ANKMY2: variants seen among roughly 807,000 people sequenced by gnomAD.
ANKMY2 encodes ankyrin repeat and MYND domain-containing protein 2.
ANKMY2 carries 36 observed loss-of-function variants against 50.4 expected under a neutral mutation model. That is an observed-to-expected ratio of 0.71 (90% CI 0.55 to 0.94). The LOEUF (loss-of-function observed/expected upper bound fraction) is 0.94, where lower values mean the gene tolerates loss of function less well. ANKMY2 is among the 40% of genes least tolerant of loss of function. ANKMY2 has a pLI of 0.00. For missense variants in ANKMY2, 565 were observed against 524.0 expected, an observed-to-expected ratio of 1.08 and a Z score of -0.76; for synonymous variants, 187 against 178.8, an observed-to-expected ratio of 1.05 and a Z score of -0.36.
At chr7:16,626,085 A>G (rs1781502392) in intron 3 of ANKMY2, among the ~76,000 whole-genome samples, 1 of 149,958 alleles carries the variant, frequency 6.7e-6, no homozygotes, top group Non-Finnish European at 1.5e-5. Flanking sequence ...AGGCTCAAAA[A>G]TCCTCCTGCC....
At chr7:16,613,384 G>A (rs1781288917) in intron 5 of ANKMY2, among the ~76,000 whole-genome samples, 1 of 152,114 alleles carries the variant, frequency 6.6e-6, no homozygotes, top group South Asian at 2.1e-4. Flanking sequence ...GCTTAAAAAG[G>A]GGGTAGAGCA....
chr7:16,604,909 G>T (rs1781127053), intron 7 of ANKMY2, 60 bp from the exon 8 acceptor site: 2 of 1,536,992 alleles, frequency 1.3e-6, no homozygotes, highest in South Asian at 2.5e-5. Context: ...AAACACTACA[G>T]AGGTATCAGC....
Position 16,609,629 on chromosome 7 carries a change from C to T in ANKMY2, c.882+1G>A. The stretch of plus-strand genomic sequence containing the variant: ...GTCAACTTAGGTAAGAGGAGCCTTA[C>T]AATTTCAACAGGAGCAATGCTTCGA... On this transcript the variant is annotated splice_donor_variant, in intron 7 of 9. Transcript: ENST00000306999. LOFTEE classifies it high-confidence loss of function. The T allele has an allele frequency of 2.5e-6, 4 of 1,597,436 alleles. No homozygotes were observed. The highest frequency in any genetic ancestry group is 3.4e-6 in the Non-Finnish European group (4 of 1,175,250).
rs75334431 is a variant in ANKMY2 at position 16,624,805 on chromosome 7, A to C, written c.370+178T>G. Reference sequence around the variant, plus strand: ...GTATTTGAAAAAGTGGAAATTCGAAATAGCCATTTGTTTTCTCCAGAGTCA... The same window carrying C: ...GTATTTGAAAAAGTGGAAATTCGAACTAGCCATTTGTTTTCTCCAGAGTCA... On this transcript the variant is annotated intron_variant, in intron 4 of 9. Coordinates refer to ENST00000306999, the MANE Select transcript of ANKMY2 (RefSeq NM_020319.3). 7.6e-3 allele frequency among the ~76,000 whole-genome samples: 1,162 copies of C among 152,326 alleles called. 14 individuals are homozygous for C. The highest frequency in any genetic ancestry group is 0.027 in the African/African-American group (1,108 of 41,570).
Position 16,600,073 on chromosome 7 carries a change from T to C in ANKMY2, c.*688A>G, listed in dbSNP as rs889276858. The C allele has an allele frequency of 2.6e-5, 4 of 152,176 alleles. No individual in the cohort carries two copies. The highest frequency in any genetic ancestry group is 4.4e-5 in the Non-Finnish European group (3 of 68,032). 9.4% of individuals were successfully genotyped at this position (152,176 alleles called of 1,614,324 possible). On this transcript the variant is annotated 3_prime_UTR_variant, in exon 10 of 10. Transcript: ENST00000306999. ...TGAATCAAAAGTTTCAGGAAGTACC[T>C]TTTTTAATGCATACGCTGAGAGAAC... is the stretch of plus-strand genomic sequence containing the variant.
rs1301007186 is a variant in ANKMY2 at position 16,632,730 on chromosome 7, A to G, written c.132+3661T>C. On this transcript the variant is annotated intron_variant, in intron 2 of 9. Coordinates refer to ENST00000306999, the MANE Select transcript of ANKMY2 (RefSeq NM_020319.3). ...ATAAACATGCATTTGCATATGCAAA[A>G]TTTTGTGTGGATATATGTTTTCATT... 2.0e-5 allele frequency among the ~76,000 whole-genome samples: 3 copies of G among 152,300 alleles called. No individual in the cohort carries two copies. The East Asian group carries it at 5.8e-4, about 29-fold the overall frequency.
At chr7:16,616,148 T>C (rs558560199) in intron 4 of ANKMY2, among the ~76,000 whole-genome samples, 1 of 152,202 alleles carries the variant, frequency 6.6e-6, no homozygotes, top group Non-Finnish European at 1.5e-5. Context: ...ACGAAGATTA[T>C]GTGGATTACA....
chr7:16,623,358 TG>T (rs1195711558), intron 4 of ANKMY2, among the ~76,000 whole-genome samples: 1 of 152,214 alleles, frequency 6.6e-6, no homozygotes, highest in Admixed American at 6.5e-5. Context: ...CAATTTTTAC[TG>T]TAGTAAAAAT....
chr7:16,642,024 G>A (rs1781752967), intron 1 of ANKMY2, among the ~76,000 whole-genome samples: 1 of 146,050 alleles, frequency 6.8e-6, no homozygotes, highest in East Asian at 2.0e-4. Context: ...TAAAAAGTGT[G>A]TACTACCTGT....
intron 4 of ANKMY2, among the ~76,000 whole-genome samples, chr7:16,616,683 C>T (rs1284145970): frequency 1.3e-5 from 2 of 152,352 alleles, no homozygotes; most frequent in East Asian, 3.9e-4. Flanking sequence ...GCAGGCTCTT[C>T]CTGGATCTCC....
chr7:16,607,366 G>A (rs1248239370), intron 7 of ANKMY2, among the ~76,000 whole-genome samples: 1 of 152,108 alleles, frequency 6.6e-6, no homozygotes, highest in Non-Finnish European at 1.5e-5. Flanking sequence ...AGGAGTTCAA[G>A]ATCAGCCTGG....
chr7:16,621,406 A>C (rs1478406276), intron 4 of ANKMY2, among the ~76,000 whole-genome samples: 2 of 152,224 alleles, frequency 1.3e-5, no homozygotes, highest in African/African-American at 2.4e-5. Context: ...TAATTATATA[A>C]TCATTTAGTA....
At position 16,630,541 on chromosome 7, in the gene ANKMY2, T is replaced by C. The variant is rs572618901; in HGVS notation, c.133-3363A>G. ...AATCAATCAACATTAGGTTATTACA[T>C]TGGAATTCTATGTCATTAAATGCAG... On this transcript the variant is annotated intron_variant, in intron 2 of 9. Transcript: ENST00000306999. Among the ~76,000 whole-genome samples the C allele has an allele frequency of 1.2e-4, 19 of 152,320 alleles. No homozygotes were observed. The South Asian group carries it at 1.7e-3, about 13-fold the overall frequency.
At chr7:16,641,007 G>C (rs970866234) in intron 1 of ANKMY2, among the ~76,000 whole-genome samples, 6 of 152,178 alleles carry the variant, frequency 3.9e-5, no homozygotes, top group African/African-American at 1.4e-4. Flanking sequence ...TATGGATATA[G>C]ATTTTGATAT....
At chr7:16,615,231 G>GATGCT (rs1781323469) in intron 5 of ANKMY2, among the ~76,000 whole-genome samples, 1 of 152,180 alleles carries the variant, frequency 6.6e-6, no homozygotes, top group Non-Finnish European at 1.5e-5. Flanking sequence ...TATTGTAATA[G>GATGCT]ATGCTGTTAG....
chr7:16,617,018 C>A (rs1045460758), intron 4 of ANKMY2, among the ~76,000 whole-genome samples: 1 of 152,260 alleles, frequency 6.6e-6, no homozygotes, highest in South Asian at 2.1e-4. Flanking sequence ...GGTTTGCTGA[C>A]CAAACCAGCT....
chr7:16,600,803 G>A lies in ANKMY2; in HGVS notation c.1284C>T (p.Gly428=). The change falls in exon 10 of 10, where the codon GGC becomes GGT. Residue 428 remains glycine, a synonymous_variant. Transcript: ENST00000306999. ...GTGGCCCTGCAGGAGCATCCTGTAA[G>A]CCTTCCAACTCAGCTTCGCTTTCAA... The part of the protein sequence containing the change: ...ESLESEAELE[G]LQDAPAGPQV... 2 of 1,613,550 alleles carry A rather than the reference G, an allele frequency of 1.2e-6. No individual in the cohort carries two copies. The highest frequency in any genetic ancestry group is 2.2e-5 in the South Asian group (2 of 90,984).
intron 4 of ANKMY2, among the ~76,000 whole-genome samples, chr7:16,616,572 GC>G (rs56306050): frequency 0.025 from 1,211 of 48,298 alleles, 19 homozygotes; most frequent in African/African-American, 0.11. Flanking sequence ...CTCCTGCGGC[GC>G]CCCCCCCTCC....
At position 16,604,671 on chromosome 7, in the gene ANKMY2, G is replaced by C. The variant is rs199673236; in HGVS notation, c.1011+50C>G. 5.6e-5 allele frequency: 89 copies of C among 1,585,816 alleles called. 1 individual carries two copies. In the African/African-American group the frequency reaches 8.4e-4, roughly 15 times the overall value. On this transcript the variant is annotated intron_variant, in intron 8 of 9. Transcript: ENST00000306999. ...AATATTAAAACTCAATCATCAGCTT[G>C]GCTGCATCTAAACCAGAGGTCAATG...
Sources: gnomAD v4.1 joint callset for allele counts (sites outside exome capture counted in the v4.1 genomes callset) on GRCh38, gnomAD v4.1.1 for gene constraint, MANE v1.5 for transcripts, NCBI Gene and HGNC (gene_info 2026-07-23, HGNC 2026-07-21) for gene names.